GABBR2: variants seen among roughly 807,000 people sequenced by gnomAD.
The protein encoded by GABBR2 is G-protein coupled receptor 51.
A neutral mutation model predicts 105.6 loss-of-function variants in GABBR2; 23 were observed. The ratio of observed to expected loss-of-function variants is 0.22; its 90% confidence interval spans 0.16 to 0.31. The LOEUF (loss-of-function observed/expected upper bound fraction) is 0.31, where lower values mean the gene tolerates loss of function less well. Among genes scored for constraint, GABBR2 ranks in the 10% least tolerant of loss-of-function variants. The pLI is 1.00. For missense variants in GABBR2, 734 were observed against 1,245.5 expected, an observed-to-expected ratio of 0.59 and a Z score of 6.18; for synonymous variants, 478 against 499.7, an observed-to-expected ratio of 0.96 and a Z score of 0.58.
chr9:98,521,890 A>G (rs189418220), intron 3 of GABBR2, among the ~76,000 whole-genome samples: 1 of 152,360 alleles, frequency 6.6e-6, no homozygotes, highest in African/African-American at 2.4e-5. Context: ...GAAACAAACA[A>G]GGAATTCAAG....
At chr9:98,637,797 A>C (rs747865355) in intron 1 of GABBR2, among the ~76,000 whole-genome samples, 1 of 152,162 alleles carries the variant, frequency 6.6e-6, no homozygotes, top group African/African-American at 2.4e-5. Flanking sequence ...ACCAAGCCCC[A>C]TGTTGGGTTT....
intron 2 of GABBR2, among the ~76,000 whole-genome samples, chr9:98,561,641 G>C (rs1828675103): frequency 6.6e-6 from 1 of 152,166 alleles, no homozygotes; most frequent in African/African-American, 2.4e-5. Context: ...CAGCACTTCG[G>C]GAAGGCCGAG....
intron 2 of GABBR2, among the ~76,000 whole-genome samples, chr9:98,574,460 C>A (rs2778903): frequency 0.21 from 31,651 of 152,142 alleles, 3,592 homozygotes; most frequent in African/African-American, 0.31. Flanking sequence ...GCAGATCCTT[C>A]GGCCCTAATC....
At chr9:98,572,337 G>C (rs1465812017) in intron 2 of GABBR2, among the ~76,000 whole-genome samples, 1 of 152,204 alleles carries the variant, frequency 6.6e-6, no homozygotes, top group Non-Finnish European at 1.5e-5. Context: ...CCCCTCTGGT[G>C]TGTGAATCCC....
rs549543250 is a variant in GABBR2 at position 98,490,383 on chromosome 9, G to A, written c.732+6030C>T. ...GGGTTCCTGATGGTGGGGGCAGGGG[G>A]CTGTGGATAGAAGGGACTTTTGGGG... is the stretch of plus-strand genomic sequence containing the variant. On this transcript the variant is annotated intron_variant, in intron 4 of 18. Coordinates refer to ENST00000259455, the MANE Select transcript of GABBR2 (RefSeq NM_005458.8). 2.7e-4 allele frequency among the ~76,000 whole-genome samples: 41 copies of A among 152,312 alleles called. No homozygotes were observed. In the South Asian group the frequency reaches 8.1e-3, roughly 30 times the overall value.
At chr9:98,588,355 T>C (rs1224945669) in intron 1 of GABBR2, among the ~76,000 whole-genome samples, 1 of 152,208 alleles carries the variant, frequency 6.6e-6, no homozygotes, top group African/African-American at 2.4e-5. Flanking sequence ...TAAGTTCATG[T>C]GACCTCTAAA....
At chr9:98,329,836 C>T (rs1462254145) in intron 13 of GABBR2, among the ~76,000 whole-genome samples, 4 of 151,604 alleles carry the variant, frequency 2.6e-5, no homozygotes, top group African/African-American at 9.7e-5. Flanking sequence ...CCCTCCCCAT[C>T]TCTCCTCTCC....
At chr9:98,672,810 C>A (rs928321566) in intron 1 of GABBR2, among the ~76,000 whole-genome samples, 1 of 152,188 alleles carries the variant, frequency 6.6e-6, no homozygotes, top group African/African-American at 2.4e-5. Context: ...CTTGATATTC[C>A]TTCATGACAC....
At chr9:98,298,803 T>G (rs1322970448) in intron 17 of GABBR2, among the ~76,000 whole-genome samples, 1 of 152,240 alleles carries the variant, frequency 6.6e-6, no homozygotes, top group Non-Finnish European at 1.5e-5. Context: ...GTGGTGAGAT[T>G]AAGCATTCTA....
chr9:98,567,463 G>C (rs1254170410), intron 2 of GABBR2, among the ~76,000 whole-genome samples: 2 of 152,204 alleles, frequency 1.3e-5, no homozygotes, highest in African/African-American at 4.8e-5. Flanking sequence ...TCTCCTGTAA[G>C]TTCTCTGTTT....
intron 3 of GABBR2, among the ~76,000 whole-genome samples, chr9:98,531,006 G>T (rs1324523578): frequency 6.6e-6 from 1 of 152,098 alleles, no homozygotes; most frequent in Non-Finnish European, 1.5e-5. Context: ...AAGTGTCCCT[G>T]GTGAGGGTGC....
chr9:98,462,251 A>G (rs1310769470), intron 6 of GABBR2, among the ~76,000 whole-genome samples: 1 of 152,218 alleles, frequency 6.6e-6, no homozygotes, highest in Non-Finnish European at 1.5e-5. Context: ...CCCCATCCTG[A>G]AAATGCTTAA....
At chr9:98,347,536 G>A (rs1218494830) in intron 13 of GABBR2, among the ~76,000 whole-genome samples, 2 of 152,122 alleles carry the variant, frequency 1.3e-5, no homozygotes, top group African/African-American at 4.8e-5. Flanking sequence ...TCTTCACTCT[G>A]TTGATTGTTT....
At position 98,547,167 on chromosome 9, in the gene GABBR2, C is replaced by T. The variant is rs1210096737; in HGVS notation, c.460-5124G>A. On this transcript the variant is annotated intron_variant, in intron 2 of 18. Transcript: ENST00000259455. ...CCTTATTCCTGGAATTCAAAAAAAT[C>T]GCACTCTTGATTTTATTTGGGATAA... 1.7e-5 allele frequency among the ~76,000 whole-genome samples: 2 copies of T among 117,040 alleles called. 1 individual carries two copies. The highest frequency in any genetic ancestry group is 3.8e-5 in the Non-Finnish European group (2 of 52,918). The allele number at this position is 117,040 out of a possible 152,430, so 76.8% of individuals were successfully genotyped here.
intron 1 of GABBR2, among the ~76,000 whole-genome samples, chr9:98,600,252 G>T (rs1216293512): frequency 6.6e-6 from 1 of 152,186 alleles, no homozygotes; most frequent in African/African-American, 2.4e-5. Context: ...CATCAGGGCT[G>T]CAAAGATGGA....
chr9:98,345,223 A>G (rs1369078197), intron 13 of GABBR2, among the ~76,000 whole-genome samples: 1 of 152,186 alleles, frequency 6.6e-6, no homozygotes, highest in East Asian at 1.9e-4. Context: ...ACATCCAGCT[A>G]TCACTGGGCT....
intron 12 of GABBR2, among the ~76,000 whole-genome samples, chr9:98,368,175 C>T (rs893989313): frequency 2.6e-5 from 4 of 152,112 alleles, no homozygotes; most frequent in Middle Eastern, 3.4e-3. Flanking sequence ...AATTACCATC[C>T]TCTGATGTCC....
At chr9:98,355,843 T>A (rs536665573) in intron 13 of GABBR2, among the ~76,000 whole-genome samples, 9 of 152,148 alleles carry the variant, frequency 5.9e-5, no homozygotes, top group Non-Finnish European at 1.3e-4. Flanking sequence ...CTAACCAACA[T>A]AGGGTGGGAT....
At chr9:98,317,973 T>A (rs542246434) in intron 13 of GABBR2, among the ~76,000 whole-genome samples, 1 of 152,310 alleles carries the variant, frequency 6.6e-6, no homozygotes, top group East Asian at 1.9e-4. Context: ...TGACATTTAG[T>A]CTGAGACCCG....
Sources: gnomAD v4.1 joint callset for allele counts (sites outside exome capture counted in the v4.1 genomes callset) on GRCh38, gnomAD v4.1.1 for gene constraint, MANE v1.5 for transcripts, NCBI Gene and HGNC (gene_info 2026-07-23, HGNC 2026-07-21) for gene names.